Variants in SGK2 observed in about 807,000 individuals in gnomAD.
SGK2 encodes serine/threonine-protein kinase Sgk2.
In SGK2, 36 loss-of-function variants were observed where a neutral mutation model predicts 47.5. That is an observed-to-expected ratio of 0.76 (90% CI 0.58 to 1.00). The LOEUF is 1.00. Ranked by LOEUF, SGK2 falls within the 50% of genes least tolerant of loss-of-function variation. The pLI is 0.00. For missense variants in SGK2, 404 were observed against 467.4 expected, an observed-to-expected ratio of 0.86 and a Z score of 1.25; for synonymous variants, 157 against 181.9, an observed-to-expected ratio of 0.86 and a Z score of 1.10.
intron 7 of SGK2, 68 bp downstream of exon 7, chr20:43,570,797 G>T: frequency 1.5e-6 from 2 of 1,352,020 alleles, no homozygotes; most frequent in South Asian, 1.2e-5. Flanking sequence ...GGGTTGTGTG[G>T]ACACTAAATC....
At chr20:43,568,086 C>A in intron 5 of SGK2, 87 bp downstream of exon 5, 2 of 1,062,526 alleles carry the variant, frequency 1.9e-6, no homozygotes, top group Non-Finnish European at 2.9e-6. Flanking sequence ...CCACCTCTGA[C>A]AGGTCCATGG....
At chr20:43,560,498 CA>C (rs5841509) in intron 1 of SGK2, among the ~76,000 whole-genome samples, 45,802 of 117,638 alleles carry the variant, frequency 0.39, 8,115 homozygotes, top group African/African-American at 0.53. Context: ...GACTCCATCT[CA>C]AAAAAAAAAA....
chr20:43,565,197 G>C (rs779990621), intron 1 of SGK2: 2 of 152,300 alleles, frequency 1.3e-5, no homozygotes, highest in African/African-American at 2.4e-5. Flanking sequence ...TTAGGCCCTT[G>C]TTGGGAGAAC....
chr20:43,568,423 G>A (rs890066422), intron 5 of SGK2, among the ~76,000 whole-genome samples: 8 of 152,128 alleles, frequency 5.3e-5, no homozygotes, highest in Non-Finnish European at 1.0e-4. Context: ...CAATCCTCCC[G>A]CCTCAGCCTC....
rs778281277 is a variant in SGK2, at chr20:43,566,503, C to G, written c.8C>G (p.Ser3Cys). 4 of 1,613,824 alleles carry G rather than the reference C, an allele frequency of 2.5e-6. No homozygotes were observed. The highest frequency in any genetic ancestry group is 2.2e-5 in the East Asian group (1 of 44,846). The change falls in exon 2 of 13, where the codon TCT becomes TGT. Residue 3 changes from serine to cysteine, a missense_variant. Coordinates refer to ENST00000373100, the MANE Select transcript of SGK2 (RefSeq NM_170693.3). Reference protein sequence around the residue: MNSSPAGTPSPQP... With the variant: MNCSPAGTPSPQP... ...CCTGATCATTGCTACAGAATGAACT[C>G]TAGCCCAGCTGGGACCCCAAGTCCA...
intron 12 of SGK2, among the ~76,000 whole-genome samples, chr20:43,581,759 C>T (rs1980812756): frequency 6.6e-6 from 1 of 152,054 alleles, no homozygotes; most frequent in Admixed American, 6.6e-5. Flanking sequence ...GAACTCCTGG[C>T]CCCGAGTGAT....
chr20:43,566,937 G>A, intron 2 of SGK2, 131 bp from the exon 3 acceptor site: 1 of 670,086 alleles, frequency 1.5e-6, no homozygotes, highest in Non-Finnish European at 2.5e-6. Context: ...GCGGGCAGGT[G>A]AAAAAAAAAG....
chr20:43,564,228 G>T (rs1184101184), intron 1 of SGK2, among the ~76,000 whole-genome samples: 1 of 152,280 alleles, frequency 6.6e-6, no homozygotes, highest in African/African-American at 2.4e-5. Context: ...AACCAGGCCT[G>T]CCCTGAGGAC....
chr20:43,575,946 G>A (rs6073131), intron 10 of SGK2, among the ~76,000 whole-genome samples: 1 of 152,298 alleles, frequency 6.6e-6, no homozygotes, highest in African/African-American at 2.4e-5. Flanking sequence ...AAATGATTAA[G>A]GTGAAAGTGC....
Position 43,571,021 on chromosome 20 carries a change from C to T in SGK2, c.474-3C>T. The stretch of plus-strand genomic sequence containing the variant: ...CAAGGCTGTTTTCTCTTATTTTCTG[C>T]AGGGATCTGAAACCAGAGAACATTC... On this transcript the variant is annotated splice_region_variant and splice_polypyrimidine_tract_variant and intron_variant, in intron 7 of 12. Transcript: ENST00000373100. 6.2e-7 allele frequency: 1 copy of T among 1,611,800 alleles called. No homozygotes were observed. The highest frequency in any genetic ancestry group is 8.5e-7 in the Non-Finnish European group (1 of 1,179,996).
chr20:43,569,835 C>T (rs1255509276), intron 6 of SGK2, among the ~76,000 whole-genome samples: 1 of 152,168 alleles, frequency 6.6e-6, no homozygotes, highest in Non-Finnish European at 1.5e-5. Flanking sequence ...AGCTCGTGGT[C>T]AAGGTTTCTA....
chr20:43,569,270 G>C, intron 5 of SGK2, 115 bp from the exon 6 acceptor site: 4 of 1,328,178 alleles, frequency 3.0e-6, no homozygotes, highest in Non-Finnish European at 4.1e-6. Flanking sequence ...TTGAGCAGGG[G>C]CATGAGAAAG....
chr20:43,576,079 G>A (rs997627380), intron 10 of SGK2, 145 bp from the exon 11 acceptor site: 2 of 923,586 alleles, frequency 2.2e-6, no homozygotes, highest in Non-Finnish European at 3.3e-6. Flanking sequence ...CTGGAGTCCT[G>A]TCTCTTTCCA....
chr20:43,575,029 A>C, intron 10 of SGK2, 25 bp downstream of exon 10: 1 of 1,531,450 alleles, frequency 6.5e-7, no homozygotes, highest in Non-Finnish European at 9.0e-7. Context: ...GCCATCTACA[A>C]GGGCCATCTG....
In SGK2 at chr20:43,566,490, T is replaced by C; in HGVS notation, c.-6T>C. 1 of 1,613,962 alleles carries C rather than the reference T, an allele frequency of 6.2e-7. No individual in the cohort carries two copies. The highest frequency in any genetic ancestry group is 8.5e-7 in the Non-Finnish European group (1 of 1,179,990). On this transcript the variant is annotated 5_prime_UTR_variant, in exon 2 of 13. Transcript: ENST00000373100. ...CCCCCCAGAGCTGCCTGATCATTGCTACAGAATGAACTCTAGCCCAGCTGG... is the reference window on the plus strand; with the variant it reads ...CCCCCCAGAGCTGCCTGATCATTGCCACAGAATGAACTCTAGCCCAGCTGG...
intron 7 of SGK2, 24 bp from the exon 8 acceptor site, chr20:43,571,000 G>T (rs1198919947): frequency 6.2e-7 from 1 of 1,612,042 alleles, no homozygotes; most frequent in Non-Finnish European, 8.5e-7. Context: ...ACACCTCAAG[G>T]CTGTTTTCTC....
rs527449156 is a variant in SGK2 at position 43,568,103 on chromosome 20, G to C, written c.228+104G>C. On this transcript the variant is annotated intron_variant, in intron 5 of 12. Transcript: ENST00000373100. Reference sequence around the variant, plus strand: ...ACCTCTGACAGGTCCATGGGCCTGGGTGCAGAAGTGGTCACAACAAAGGGT... The same window carrying C: ...ACCTCTGACAGGTCCATGGGCCTGGCTGCAGAAGTGGTCACAACAAAGGGT... 2.2e-5 allele frequency: 19 copies of C among 850,092 alleles called. No homozygotes were observed. The South Asian group carries it at 2.7e-4, about 12-fold the overall frequency. 52.7% of individuals were successfully genotyped at this position (850,092 alleles called of 1,614,324 possible).
At chr20:43,567,596 G>C (rs570991971) in intron 3 of SGK2, 69 bp from the exon 4 acceptor site, 3 of 1,438,346 alleles carry the variant, frequency 2.1e-6, no homozygotes, top group Non-Finnish European at 2.9e-6. Context: ...AAGAAGCCCA[G>C]GTTTGTTCTC....
At chr20:43,571,659 C>T (rs1457305547) in intron 8 of SGK2, among the ~76,000 whole-genome samples, 1 of 152,146 alleles carries the variant, frequency 6.6e-6, no homozygotes, top group Non-Finnish European at 1.5e-5. Context: ...AGGCATGGTT[C>T]TTCTGTAGCC....
Sources: gnomAD v4.1 joint callset for allele counts (sites outside exome capture counted in the v4.1 genomes callset) on GRCh38, gnomAD v4.1.1 for gene constraint, MANE v1.5 for transcripts, NCBI Gene and HGNC (gene_info 2026-07-23, HGNC 2026-07-21) for gene names.